Variants in RBFOX1 observed in about 807,000 individuals in gnomAD.
RBFOX1 encodes the protein RNA binding fox-1 homolog 1, also known as RNA binding protein fox-1 homolog 1.
RBFOX1 carries 8 observed loss-of-function variants against 57.7 expected under a neutral mutation model. The ratio of observed to expected loss-of-function variants is 0.14; its 90% CI spans 0.08 to 0.25. The LOEUF is 0.25. Ranked by LOEUF, RBFOX1 falls within the 10% of genes least tolerant of loss-of-function variation. RBFOX1 has a pLI of 1.00. For synonymous variants in RBFOX1, 326 were observed against 222.4 expected (o/e 1.47, Z -4.15); for missense variants, 611 against 548.5 (o/e 1.11, Z -1.14).
chr16:7,011,918 C>G (rs1471177554), intron 3 of RBFOX1, among the ~76,000 whole-genome samples: 2 of 152,210 alleles, frequency 1.3e-5, no homozygotes, highest in African/African-American at 2.4e-5. Context: ...TCCACCCCAT[C>G]TTCTGCACAT....
intron 3 of RBFOX1, among the ~76,000 whole-genome samples, chr16:5,778,562 G>C (rs900152539): frequency 2.0e-5 from 3 of 152,152 alleles, no homozygotes; most frequent in Admixed American, 2.0e-4. Context: ...CCTGCTCTGA[G>C]AGCAACCCCG....
intron 4 of RBFOX1, among the ~76,000 whole-genome samples, chr16:7,349,187 C>G (rs1471975497): frequency 1.3e-5 from 2 of 152,146 alleles, no homozygotes; most frequent in African/African-American, 4.8e-5. Context: ...AGGACTAAAA[C>G]TTGGGTTAAA....
intron 4 of RBFOX1, among the ~76,000 whole-genome samples, chr16:7,221,107 T>C (rs2092693784): frequency 6.6e-6 from 1 of 152,132 alleles, no homozygotes; most frequent in Admixed American, 6.6e-5. Flanking sequence ...AATTTTGATT[T>C]GATTTGCTGC....
At chr16:6,661,780 C>T (rs2098703141) in intron 3 of RBFOX1, among the ~76,000 whole-genome samples, 1 of 152,218 alleles carries the variant, frequency 6.6e-6, no homozygotes, top group South Asian at 2.1e-4. Flanking sequence ...CATGGGAATG[C>T]AACTGTCTCT....
chr16:5,775,222 G>C (rs575502760), intron 3 of RBFOX1, among the ~76,000 whole-genome samples: 8 of 152,258 alleles, frequency 5.3e-5, no homozygotes, highest in Middle Eastern at 3.4e-3. Flanking sequence ...ATCCCCAAAT[G>C]TATCTCCTTA....
At chr16:7,265,103 G>T (rs1473465115) in intron 4 of RBFOX1, among the ~76,000 whole-genome samples, 1 of 152,228 alleles carries the variant, frequency 6.6e-6, no homozygotes, top group Non-Finnish European at 1.5e-5. Context: ...AATATTTATT[G>T]AATTACTAAT....
chr16:5,501,840 G>A (rs2043208357), intron 2 of RBFOX1, among the ~76,000 whole-genome samples: 1 of 152,120 alleles, frequency 6.6e-6, no homozygotes, highest in South Asian at 2.1e-4. Flanking sequence ...CAGCCTCCCA[G>A]TACATGCTGG....
At chr16:6,652,047 C>G (rs538555106) in intron 2 of RBFOX1, among the ~76,000 whole-genome samples, 1 of 152,118 alleles carries the variant, frequency 6.6e-6, no homozygotes, top group Admixed American at 6.6e-5. Flanking sequence ...ATACTGAAGT[C>G]GTAACTTCCA....
chr16:5,259,485 A>T (rs889572380), intron 1 of RBFOX1, among the ~76,000 whole-genome samples: 83 of 152,262 alleles, frequency 5.5e-4, no homozygotes, highest in African/African-American at 2.0e-3. Context: ...CATCACTTGC[A>T]TTCAGGTCTG....
rs7188178 is a variant in RBFOX1, at chr16:5,787,969, A to G, written c.319-79334A>G. 6.8e-4 allele frequency among the ~76,000 whole-genome samples: 103 copies of G among 152,336 alleles called. 1 individual carries two copies. The highest frequency in any genetic ancestry group is 2.3e-3 in the African/African-American group (94 of 41,586). On this transcript the variant is annotated intron_variant, in intron 3 of 19. Transcript: ENST00000641259. ...GCAGAGCTGGGCTCCAGACTGTTCAATTCTGAGTTTCTGCATCCCTTCCAG... is the reference window on the plus strand; with the variant it reads ...GCAGAGCTGGGCTCCAGACTGTTCAGTTCTGAGTTTCTGCATCCCTTCCAG...
chr16:5,389,603 G>C (rs9926606), intron 1 of RBFOX1, among the ~76,000 whole-genome samples: 85,190 of 151,950 alleles, frequency 0.56, 24,359 homozygotes, highest in African/African-American at 0.62. Flanking sequence ...TTTTCTCTCT[G>C]TCTGTTTGCT....
At chr16:5,461,434 G>A (rs2068784957) in intron 1 of RBFOX1, among the ~76,000 whole-genome samples, 5 of 152,184 alleles carry the variant, frequency 3.3e-5, no homozygotes, top group Admixed American at 3.3e-4. Flanking sequence ...AGGGAGGGCA[G>A]GCACCTAATT....
At chr16:7,251,708 C>T (rs1423704859) in intron 4 of RBFOX1, among the ~76,000 whole-genome samples, 1 of 152,148 alleles carries the variant, frequency 6.6e-6, no homozygotes, top group Non-Finnish European at 1.5e-5. Flanking sequence ...GCATGAGCCA[C>T]AGTGCCTGGT....
chr16:5,915,487 C>T (rs996256011), intron 4 of RBFOX1, among the ~76,000 whole-genome samples: 14 of 152,070 alleles, frequency 9.2e-5, no homozygotes, highest in South Asian at 2.1e-4. Flanking sequence ...GTGAATGAGA[C>T]GGCAGGGTTC....
intron 1 of RBFOX1, among the ~76,000 whole-genome samples, chr16:5,462,132 G>C (rs1261510333): frequency 1.3e-5 from 2 of 151,026 alleles, no homozygotes; most frequent in Non-Finnish European, 2.9e-5. Context: ...CCATGAGCAA[G>C]CATAAAAGAA....
At chr16:6,417,548 C>A (rs1197459922) in intron 2 of RBFOX1, among the ~76,000 whole-genome samples, 1 of 150,694 alleles carries the variant, frequency 6.6e-6, no homozygotes, top group Admixed American at 6.6e-5. Flanking sequence ...CACCACCATG[C>A]CTGGCTAGTT....
At chr16:5,609,347 C>T (rs1944580208) in intron 3 of RBFOX1, among the ~76,000 whole-genome samples, 1 of 152,196 alleles carries the variant, frequency 6.6e-6, no homozygotes, top group Admixed American at 6.5e-5. Context: ...AAAACCCATC[C>T]AGCCATCTTA....
chr16:7,173,119 T>C (rs2081024376), intron 4 of RBFOX1, among the ~76,000 whole-genome samples: 3 of 152,208 alleles, frequency 2.0e-5, no homozygotes, highest in African/African-American at 4.8e-5. Context: ...GACATACTTT[T>C]TGATTATTCA....
At chr16:6,311,400 G>C (rs945729866) in intron 1 of RBFOX1, among the ~76,000 whole-genome samples, 2 of 151,748 alleles carry the variant, frequency 1.3e-5, no homozygotes, top group Non-Finnish European at 2.9e-5. Flanking sequence ...ATCTCTCTTT[G>C]GGGAACGCTC....
Sources: gnomAD v4.1 joint callset for allele counts (sites outside exome capture counted in the v4.1 genomes callset) on GRCh38, gnomAD v4.1.1 for gene constraint, MANE v1.5 for transcripts, NCBI Gene and HGNC (gene_info 2026-07-23, HGNC 2026-07-21) for gene names.